The following SRRM4 variants were observed in gnomAD, a reference collection of about 807,000 sequenced individuals.
SRRM4 encodes serine/arginine repetitive matrix protein 4.
Under a neutral mutation model 68.9 loss-of-function variants are expected in SRRM4, and 33 were observed. The observed-to-expected ratio is 0.48, with a 90% CI of 0.36 to 0.64. The LOEUF is 0.64. SRRM4 is among the 30% of genes least tolerant of loss of function. The pLI, the probability that SRRM4 is intolerant of heterozygous loss-of-function variation, is 0.00. For synonymous variants in SRRM4, 318 were observed against 318.8 expected (o/e 1.00, Z 0.03); for missense variants, 817 against 827.1 (o/e 0.99, Z 0.15).
At chr12:119,141,722 G>T (rs781739707) in intron 8 of SRRM4, among the ~76,000 whole-genome samples, 26 of 152,334 alleles carry the variant, frequency 1.7e-4, no homozygotes, top group Non-Finnish European at 3.5e-4. Flanking sequence ...GAATGCTGGG[G>T]TGCAACATTG....
At chr12:119,117,055 G>A (rs1316242117) in intron 4 of SRRM4, 47 bp downstream of exon 4, 2 of 1,549,904 alleles carry the variant, frequency 1.3e-6, no homozygotes, top group Non-Finnish European at 1.8e-6. Flanking sequence ...GGTGGGGTGG[G>A]GAGGACAGTT....
intron 1 of SRRM4, among the ~76,000 whole-genome samples, chr12:118,996,048 A>G (rs1953347715): frequency 6.6e-6 from 1 of 152,190 alleles, no homozygotes. Context: ...GCATCTAACC[A>G]ACATTTATGC....
chr12:119,047,669 A>T (rs1373608706), intron 1 of SRRM4, among the ~76,000 whole-genome samples: 1 of 152,204 alleles, frequency 6.6e-6, no homozygotes. Flanking sequence ...ACATGCACTC[A>T]TTTCCCTGGA....
At chr12:119,008,825 T>C (rs1355428337) in intron 1 of SRRM4, among the ~76,000 whole-genome samples, 2 of 152,050 alleles carry the variant, frequency 1.3e-5, no homozygotes, top group Admixed American at 6.5e-5. Flanking sequence ...TTGACACTAA[T>C]TGATACGGAG....
In SRRM4 at chr12:119,125,486, C is replaced by T. The variant is rs1302113147; in HGVS notation, c.614+7C>T. Reference sequence around the variant, plus strand: ...CCTCAAGCTGTGAGAGCAGGTAACCCCTTGCCCCAGGATCCTCTTCTGTCA... The same window carrying T: ...CCTCAAGCTGTGAGAGCAGGTAACCTCTTGCCCCAGGATCCTCTTCTGTCA... On this transcript the variant is annotated splice_region_variant and intron_variant, in intron 7 of 12. Transcript: ENST00000267260. The T allele has an allele frequency of 6.2e-7, 1 of 1,611,834 alleles. No individual in the cohort carries two copies. The highest frequency in any genetic ancestry group is 1.3e-5 in the African/African-American group (1 of 74,856).
At chr12:119,090,871 G>A (rs988580768) in intron 1 of SRRM4, among the ~76,000 whole-genome samples, 15 of 152,190 alleles carry the variant, frequency 9.9e-5, no homozygotes, top group Middle Eastern at 3.2e-3. Context: ...TAACCCAGGA[G>A]GAGAGACAAG....
intron 1 of SRRM4, among the ~76,000 whole-genome samples, chr12:119,081,282 C>G (rs184224315): frequency 1.3e-5 from 2 of 152,194 alleles, no homozygotes; most frequent in Admixed American, 1.3e-4. Flanking sequence ...GAGGGAGTAC[C>G]ATTTTAAATC....
At chr12:119,040,642 T>G (rs1953662390) in intron 1 of SRRM4, among the ~76,000 whole-genome samples, 1 of 152,254 alleles carries the variant, frequency 6.6e-6, no homozygotes, top group African/African-American at 2.4e-5. Flanking sequence ...TGAATTGTGC[T>G]GCTATAAACA....
chr12:119,012,441 C>A (rs1953456105), intron 1 of SRRM4, among the ~76,000 whole-genome samples: 1 of 152,098 alleles, frequency 6.6e-6, no homozygotes, highest in South Asian at 2.1e-4. Flanking sequence ...TCTGTGAATT[C>A]TTCTCTCCTG....
At chr12:119,056,376 A>T (rs1412992290) in intron 1 of SRRM4, among the ~76,000 whole-genome samples, 3 of 152,192 alleles carry the variant, frequency 2.0e-5, no homozygotes, top group Non-Finnish European at 4.4e-5. Context: ...ATGTTATCTC[A>T]CTTTGCTGAT....
At chr12:119,019,124 A>G (rs1284543922) in intron 1 of SRRM4, among the ~76,000 whole-genome samples, 3 of 152,186 alleles carry the variant, frequency 2.0e-5, no homozygotes, top group Non-Finnish European at 4.4e-5. Context: ...CCTTGCCACA[A>G]TGCCACCTTC....
intron 8 of SRRM4, among the ~76,000 whole-genome samples, chr12:119,141,807 T>C (rs910391780): frequency 6.6e-6 from 1 of 152,284 alleles, no homozygotes. Context: ...GCAACTACTG[T>C]ACTGAGGAAC....
chr12:119,155,013 A>T lies in SRRM4; in HGVS notation c.1532+630A>T, dbSNP rs140067909. ...CCTAGGAAAGGCTCTTACCTTCCTG[A>T]GCCTCAGTTTTCTCACCCATGAGAT... On this transcript the variant is annotated intron_variant, in intron 12 of 12. Transcript: ENST00000267260. Among the ~76,000 whole-genome samples the T allele has an allele frequency of 1.4e-4, 22 of 152,320 alleles. No individual in the cohort carries two copies. The East Asian group carries it at 4.3e-3, about 29-fold the overall frequency.
chr12:119,088,015 C>T (rs1432278771), intron 1 of SRRM4, among the ~76,000 whole-genome samples: 1 of 152,208 alleles, frequency 6.6e-6, no homozygotes, highest in East Asian at 1.9e-4. Flanking sequence ...TTAGTACATA[C>T]TAGGTCCTCA....
chr12:119,088,574 T>C (rs1333650547), intron 1 of SRRM4, among the ~76,000 whole-genome samples: 1 of 152,098 alleles, frequency 6.6e-6, no homozygotes, highest in Non-Finnish European at 1.5e-5. Context: ...GCTTAAATAG[T>C]TGAAGGACTT....
chr12:119,062,264 G>A (rs986854570), intron 1 of SRRM4, among the ~76,000 whole-genome samples: 1 of 152,226 alleles, frequency 6.6e-6, no homozygotes, highest in African/African-American at 2.4e-5. Context: ...TCAGGGCTGG[G>A]AGTTGCTCCT....
intron 1 of SRRM4, among the ~76,000 whole-genome samples, chr12:119,078,254 G>A (rs1953928133): frequency 6.6e-6 from 1 of 152,188 alleles, no homozygotes; most frequent in South Asian, 2.1e-4. Flanking sequence ...GGTATTATAA[G>A]CATCCATTTG....
Position 119,130,290 on chromosome 12 carries a change from AGATG to A in SRRM4, c.615-370_615-367del, listed in dbSNP as rs892396592. On this transcript the variant is annotated intron_variant, in intron 7 of 12. Transcript: ENST00000267260. ...TGGCTGGATAGATGGTTGCTTAGAC[AGATG>A]GATGGATGGATGGATGGTTAGATGG... Among the ~76,000 whole-genome samples, 362 of 143,902 alleles carry A rather than the reference AGATG, an allele frequency of 2.5e-3. 1 individual carries two copies. The highest frequency in any genetic ancestry group is 8.9e-3 in the African/African-American group (347 of 39,088). The allele number at this position is 143,902 out of a possible 152,430, so 94.4% of individuals were successfully genotyped here.
rs533196863 is a variant in SRRM4, at chr12:119,107,182, C to A, written c.278+4800C>A. On this transcript the variant is annotated intron_variant, in intron 2 of 12. Coordinates refer to ENST00000267260, the MANE Select transcript of SRRM4 (RefSeq NM_194286.4). ...AGCCAACTTGATCATGGTGGATAAG[C>A]TTTATGATGTGCTGCTGGATTTAAA... is the stretch of plus-strand genomic sequence containing the variant. 5.8e-4 allele frequency among the ~76,000 whole-genome samples: 89 copies of A among 152,278 alleles called. No individual in the cohort carries two copies. In the South Asian group the frequency reaches 8.3e-3, roughly 14 times the overall value.
Sources: allele counts gnomAD v4.1 joint callset (sites outside exome capture counted in the v4.1 genomes callset), GRCh38; gene constraint gnomAD v4.1.1; transcripts MANE v1.5; gene names NCBI Gene and HGNC (gene_info 2026-07-23, HGNC 2026-07-21).